TRPC7: variants seen among roughly 807,000 people sequenced by gnomAD.
The protein encoded by TRPC7 is transient receptor potential cation channel subfamily C member 7, also known as short transient receptor potential channel 7.
A neutral mutation model predicts 90.1 loss-of-function variants in TRPC7; 42 were observed. That is an observed-to-expected ratio of 0.47 (90% CI 0.36 to 0.60). The LOEUF is 0.60. Among genes scored for constraint, TRPC7 ranks in the 20% least tolerant of loss-of-function variants. TRPC7 has a pLI of 0.00. For missense variants in TRPC7, 955 were observed against 1,112.3 expected (o/e 0.86, Z 2.01); for synonymous variants, 451 against 436.3 (o/e 1.03, Z -0.42).
At position 136,251,834 on chromosome 5, in the gene TRPC7, T is replaced by C; in HGVS notation, c.1394A>G (p.Glu465Gly). Residue 465 changes from glutamate (E) to glycine (G), a missense_variant, in exon 6 of 12, where the codon GAG (glutamate) becomes GGG (glycine). Physicochemically the swap from Glu to Gly is moderately conservative, Grantham distance 98 (BLOSUM62 -2). This residue lies in a region of TRPC7 where 484 missense variants were observed against 509.6 expected (regional missense o/e 0.95). Coordinates refer to ENST00000513104, the MANE Select transcript of TRPC7 (RefSeq NM_020389.3). ...CKEIWEEGPR[E>G]YVLHLWNLLD... ...CAGGTTCCACAAGTGCAGCACGTAC[T>C]CCCGTGGCCCCTCCTCCCAGATTTC... 2 of 1,613,992 alleles carry C rather than the reference T, an allele frequency of 1.2e-6. No homozygotes were observed. Among genetic ancestry groups the C allele is most frequent in the Non-Finnish European group, 8.5e-7 (1 of 1,179,890 alleles).
At chr5:136,293,157 G>A (rs1273499366) in intron 3 of TRPC7, among the ~76,000 whole-genome samples, 1 of 151,220 alleles carries the variant, frequency 6.6e-6, no homozygotes, top group African/African-American at 2.4e-5. Context: ...AATCATAAGA[G>A]CTATGACAAA....
intron 2 of TRPC7, among the ~76,000 whole-genome samples, chr5:136,320,281 C>T (rs1344827233): frequency 6.6e-6 from 1 of 152,188 alleles, no homozygotes; most frequent in Non-Finnish European, 1.5e-5. Context: ...CCTCTTTTCA[C>T]CAATTTTACT....
At chr5:136,345,408 A>G (rs547253250) in intron 2 of TRPC7, among the ~76,000 whole-genome samples, 163 of 152,194 alleles carry the variant, frequency 1.1e-3, no homozygotes, top group African/African-American at 3.7e-3. Flanking sequence ...ATACAAAAAT[A>G]CAAAAATACG....
At chr5:136,293,665 T>G (rs1205709459) in intron 3 of TRPC7, among the ~76,000 whole-genome samples, 3 of 152,130 alleles carry the variant, frequency 2.0e-5, no homozygotes, top group Non-Finnish European at 4.4e-5. Flanking sequence ...GGGAGAACAT[T>G]CCATGCTCAT....
chr5:136,233,262 A>C (rs938561603), intron 7 of TRPC7, among the ~76,000 whole-genome samples: 21 of 152,348 alleles, frequency 1.4e-4, no homozygotes, highest in Admixed American at 1.1e-3. Context: ...TTAGCGAGAA[A>C]TAATTTAGTT....
intron 2 of TRPC7, among the ~76,000 whole-genome samples, chr5:136,347,344 G>A (rs1030167243): frequency 6.6e-6 from 1 of 152,178 alleles, no homozygotes; most frequent in African/African-American, 2.4e-5. Context: ...TCTCTTCTTG[G>A]CATGGCATTT....
intron 3 of TRPC7, among the ~76,000 whole-genome samples, chr5:136,296,106 T>TTGTGG (rs1365438432): frequency 1.3e-5 from 2 of 151,992 alleles, no homozygotes; most frequent in African/African-American, 4.8e-5. Context: ...CTAAGGATAT[T>TTGTGG]TGTGGTGTGG....
At chr5:136,246,308 GAGAGCAGTGAC>G (rs1241932849) in intron 7 of TRPC7, among the ~76,000 whole-genome samples, 17 of 152,344 alleles carry the variant, frequency 1.1e-4, no homozygotes, top group Admixed American at 6.5e-4. Flanking sequence ...GCCAGGCATG[GAGAGCAGTGAC>G]CTGCAACCAC....
chr5:136,224,835 C>T (rs1420490891), intron 10 of TRPC7, among the ~76,000 whole-genome samples: 1 of 152,256 alleles, frequency 6.6e-6, no homozygotes, highest in Non-Finnish European at 1.5e-5. Flanking sequence ...TGCCACCCTT[C>T]TCTTCCTCTG....
intron 2 of TRPC7, 193 bp from the exon 3 acceptor site, chr5:136,315,972 G>A: frequency 1.7e-6 from 1 of 595,592 alleles, no homozygotes; most frequent in Non-Finnish European, 2.9e-6. Context: ...TGACCTGAAG[G>A]ACATTTTCTC....
At chr5:136,256,310 T>C (rs2149807918) in intron 5 of TRPC7, among the ~76,000 whole-genome samples, 1 of 152,346 alleles carries the variant, frequency 6.6e-6, no homozygotes, top group Non-Finnish European at 1.5e-5. Context: ...GTTCCCATTC[T>C]TCCCTCTGAC....
chr5:136,294,450 A>T (rs1222712283), intron 3 of TRPC7, among the ~76,000 whole-genome samples: 2 of 152,156 alleles, frequency 1.3e-5, no homozygotes, highest in African/African-American at 2.4e-5. Context: ...CAAGAAAAAA[A>T]CAAACAACCC....
At chr5:136,281,214 A>G (rs1757541494) in intron 3 of TRPC7, among the ~76,000 whole-genome samples, 1 of 152,170 alleles carries the variant, frequency 6.6e-6, no homozygotes, top group South Asian at 2.1e-4. Context: ...AATCAGAAAT[A>G]CACAAGAAGG....
intron 2 of TRPC7, among the ~76,000 whole-genome samples, chr5:136,320,810 C>G (rs968597499): frequency 6.6e-6 from 1 of 152,170 alleles, no homozygotes; most frequent in Non-Finnish European, 1.5e-5. Context: ...CATGAACAAC[C>G]CTTAAGCCTT....
intron 7 of TRPC7, among the ~76,000 whole-genome samples, chr5:136,238,163 T>G (rs1328546753): frequency 2.6e-5 from 4 of 152,256 alleles, no homozygotes; most frequent in Non-Finnish European, 5.9e-5. Flanking sequence ...GAGACCTTCT[T>G]TGACGACCTG....
chr5:136,251,639 T>C lies in TRPC7; in HGVS notation c.1579+10A>G, dbSNP rs772922797. On this transcript the variant is annotated intron_variant, in intron 6 of 11. Transcript: ENST00000513104. The stretch of plus-strand genomic sequence containing the variant: ...CCAAAATGGAGTAGGGGAAGCACTC[T>C]CCGACTCACCGTAGGTGAAGTATGC... 9.4e-6 allele frequency: 15 copies of C among 1,587,756 alleles called. No homozygotes were observed. The highest frequency in any genetic ancestry group is 1.2e-5 in the Non-Finnish European group (14 of 1,162,820).
chr5:136,220,216 C>A (rs193108353), intron 10 of TRPC7, among the ~76,000 whole-genome samples: 1 of 152,106 alleles, frequency 6.6e-6, no homozygotes, highest in African/African-American at 2.4e-5. Flanking sequence ...AGAATAACAG[C>A]GATTTTCAGA....
Position 136,333,072 on chromosome 5 carries a change from A to G in TRPC7, c.781-17293T>C, listed in dbSNP as rs1463349263. Among the ~76,000 whole-genome samples, 3 of 152,232 alleles carry G rather than the reference A, an allele frequency of 2.0e-5. No homozygotes were observed. In the East Asian group the frequency reaches 5.8e-4, roughly 29 times the overall value. ...TCCACTAACCCTCAGAATTGTGAAC[A>G]TGAAAATAAATGTTAATTGCATAGA... On this transcript the variant is annotated intron_variant, in intron 2 of 11. Coordinates refer to ENST00000513104, the MANE Select transcript of TRPC7 (RefSeq NM_020389.3).
At chr5:136,241,069 TG>T in intron 7 of TRPC7, among the ~76,000 whole-genome samples, 1 of 152,242 alleles carries the variant, frequency 6.6e-6, no homozygotes, top group East Asian at 1.9e-4. Flanking sequence ...AAGGGGAATC[TG>T]GCTTCTCTAT....
Sources: gnomAD v4.1 joint callset for allele counts (sites outside exome capture counted in the v4.1 genomes callset) on GRCh38, gnomAD v4.1.1 for gene constraint, gnomAD v4.1.1 regional missense constraint, MANE v1.5 for transcripts, NCBI Gene and HGNC (gene_info 2026-07-23, HGNC 2026-07-21) for gene names.